Variants in PCNX1 observed in about 807,000 individuals in gnomAD.
PCNX1 encodes pecanex-like protein 1.
A neutral mutation model predicts 242.2 loss-of-function variants in PCNX1; 78 were observed. The ratio of observed to expected loss-of-function variants is 0.32; its 90% CI spans 0.27 to 0.39. PCNX1 has a LOEUF of 0.39. Ranked by LOEUF, PCNX1 falls within the 10% of genes least tolerant of loss-of-function variation. The probability of loss-of-function intolerance (pLI) is 1.00; values close to 1 mark genes in which losing one functional copy is unlikely to be tolerated. For missense variants in PCNX1, 2,581 were observed against 2,856.5 expected (o/e 0.90, Z 2.20); for synonymous variants, 1,024 against 1,032.9 (o/e 0.99, Z 0.17).
At chr14:71,099,590 T>C (rs1041915848) in intron 30 of PCNX1, among the ~76,000 whole-genome samples, 1 of 152,252 alleles carries the variant, frequency 6.6e-6, no homozygotes, top group African/African-American at 2.4e-5. Flanking sequence ...TAGGTGTCTA[T>C]TAGATCCAAT....
intron 33 of PCNX1, among the ~76,000 whole-genome samples, chr14:71,105,707 AT>A (rs1329785522): frequency 1.3e-5 from 2 of 150,048 alleles, no homozygotes; most frequent in South Asian, 2.1e-4. Context: ...ACGCCCGGCT[AT>A]TTTTTTGCAT....
In PCNX1 at chr14:70,923,072, T is replaced by G. The variant is rs896255326; in HGVS notation, c.153+15069T>G. ...TATGTTTCCTTAATCATGAATTCTT[T>G]GAGTATCTTTTCATATGCCTAGTAG... On this transcript the variant is annotated intron_variant, in intron 1 of 35. Transcript: ENST00000304743. 4.7e-5 allele frequency among the ~76,000 whole-genome samples: 7 copies of G among 150,306 alleles called. No individual in the cohort carries two copies. The South Asian group carries it at 1.5e-3, about 32-fold the overall frequency.
chr14:70,935,224 A>G (rs2056953331), intron 1 of PCNX1, among the ~76,000 whole-genome samples: 1 of 152,164 alleles, frequency 6.6e-6, no homozygotes, highest in African/African-American at 2.4e-5. Context: ...ATTTTGTTCA[A>G]AGTCTTTTCT....
intron 25 of PCNX1, among the ~76,000 whole-genome samples, chr14:71,057,256 T>C (rs982256499): frequency 5.9e-5 from 9 of 152,238 alleles, no homozygotes; most frequent in African/African-American, 2.2e-4. Context: ...CTTAGATTGC[T>C]TCAAATCAAA....
Position 70,978,471 on chromosome 14 carries a change from A to G in PCNX1, c.2134A>G (p.Ser712Gly). The G allele has an allele frequency of 1.2e-6, 2 of 1,614,214 alleles. No homozygotes were observed. Among genetic ancestry groups the G allele is most frequent in the Non-Finnish European group, 1.7e-6 (2 of 1,180,020 alleles). Reference sequence around the variant, plus strand: ...CTCAAACAGGTTAATGGCACCTGAAAGTATAAAGCCCTTAACCACTTCAAA... The same window carrying G: ...CTCAAACAGGTTAATGGCACCTGAAGGTATAAAGCCCTTAACCACTTCAAA... Reference protein sequence around the residue: ...NDSNRLMAPESIKPLTTSKSD... With the variant: ...NDSNRLMAPEGIKPLTTSKSD... The change falls in exon 6 of 36, where the codon AGT becomes GGT. Residue 712 changes from serine to glycine, a missense_variant. Ser to Gly is a moderately conservative substitution (Grantham distance 56, BLOSUM62 0). This residue lies in a region of PCNX1 where 1,204 missense variants were observed against 1,216.7 expected (regional missense o/e 0.99). Transcript: ENST00000304743.
intron 1 of PCNX1, among the ~76,000 whole-genome samples, chr14:70,915,944 A>G (rs1443244518): frequency 1.3e-5 from 2 of 152,184 alleles, no homozygotes; most frequent in Admixed American, 1.3e-4. Context: ...ATGAAGGGAT[A>G]AAGGATGAAG....
chr14:70,917,357 T>G (rs2056191425), intron 1 of PCNX1, among the ~76,000 whole-genome samples: 1 of 152,200 alleles, frequency 6.6e-6, no homozygotes, highest in Non-Finnish European at 1.5e-5. Flanking sequence ...CTGACAGCCT[T>G]ATGAAATGTA....
At position 71,034,533 on chromosome 14, in the gene PCNX1, G is replaced by A. The variant is rs116524107; in HGVS notation, c.3774+497G>A. Among the ~76,000 whole-genome samples, 723 of 152,194 alleles carry A rather than the reference G, an allele frequency of 4.8e-3. 7 individuals are homozygous for A. The highest frequency in any genetic ancestry group is 0.017 in the African/African-American group (690 of 41,550). On this transcript the variant is annotated intron_variant, in intron 18 of 35. Transcript: ENST00000304743. ...CCTGTATTAATGTACTTAAGTAAAC[G>A]CAGTAATTTTTTAAATTTTCTAATT... is the stretch of plus-strand genomic sequence containing the variant.
At chr14:71,046,571 GA>G (rs1301401969) in intron 20 of PCNX1, among the ~76,000 whole-genome samples, 1 of 151,980 alleles carries the variant, frequency 6.6e-6, no homozygotes, top group South Asian at 2.1e-4. Flanking sequence ...TGTAGCATTG[GA>G]AAAAAATATT....
Position 70,977,088 on chromosome 14 carries a change from G to A in PCNX1, c.751G>A (p.Val251Ile). Reference protein sequence around the residue: ...NLPSHNHHHHVDQSLSSACDT... With the variant: ...NLPSHNHHHHIDQSLSSACDT... ...GCCAAGTCATAACCACCACCACCAT[G>A]TTGATCAGTCTCTGTCCAGCGCCTG... Residue 251 changes from valine to isoleucine, a missense_variant, in exon 6 of 36, where the codon GTT becomes ATT. Around this residue, in one of 9 missense-constraint regions of PCNX1, gnomAD observed 1,204 missense variants for 1,216.7 expected, o/e 0.99. Coordinates refer to ENST00000304743, the MANE Select transcript of PCNX1 (RefSeq NM_014982.3). 2.5e-6 allele frequency: 4 copies of A among 1,614,096 alleles called. No individual in the cohort carries two copies. Among genetic ancestry groups the A allele is most frequent in the Non-Finnish European group, 2.5e-6 (3 of 1,180,016 alleles).
At chr14:70,953,037 A>G (rs567354458) in intron 2 of PCNX1, among the ~76,000 whole-genome samples, 1 of 152,230 alleles carries the variant, frequency 6.6e-6, no homozygotes, top group Non-Finnish European at 1.5e-5. Context: ...GGAGGGAGAG[A>G]TGGGAGGACA....
intron 1 of PCNX1, among the ~76,000 whole-genome samples, chr14:70,932,145 G>T (rs1034937034): frequency 3.9e-5 from 6 of 152,064 alleles, no homozygotes; most frequent in Non-Finnish European, 7.4e-5. Context: ...AAAACAAAAA[G>T]AATAATCGAA....
chr14:71,017,061 C>T (rs556201212), intron 11 of PCNX1, among the ~76,000 whole-genome samples: 1 of 152,126 alleles, frequency 6.6e-6, no homozygotes, highest in African/African-American at 2.4e-5. Context: ...TCACTACAGA[C>T]TCTCCAGGTA....
At chr14:70,949,140 A>G (rs890119468) in intron 2 of PCNX1, among the ~76,000 whole-genome samples, 2 of 110,912 alleles carry the variant, frequency 1.8e-5, no homozygotes, top group Non-Finnish European at 4.5e-5. Flanking sequence ...ACATATACAC[A>G]TATGTATATG....
intron 1 of PCNX1, among the ~76,000 whole-genome samples, chr14:70,928,540 C>T (rs909549418): frequency 6.6e-6 from 1 of 152,146 alleles, no homozygotes; most frequent in African/African-American, 2.4e-5. Context: ...GTGATTTATA[C>T]AGTAAAATAT....
chr14:71,069,087 G>A (rs2061527932), intron 26 of PCNX1, among the ~76,000 whole-genome samples: 1 of 152,106 alleles, frequency 6.6e-6, no homozygotes, highest in Admixed American at 6.6e-5. Context: ...ATGGCAGCAG[G>A]CAAGACAGAA....
intron 1 of PCNX1, among the ~76,000 whole-genome samples, chr14:70,919,046 A>G (rs542132070): frequency 3.3e-5 from 5 of 152,010 alleles, no homozygotes; most frequent in African/African-American, 1.2e-4. Flanking sequence ...ACAACTAGCT[A>G]CTTTTTAAAA....
At chr14:71,043,069 T>C (rs770524935) in intron 19 of PCNX1, among the ~76,000 whole-genome samples, 22 of 152,110 alleles carry the variant, frequency 1.4e-4, no homozygotes, top group Non-Finnish European at 2.9e-4. Context: ...CTTTTCTTGG[T>C]ATAGTATTTT....
At chr14:70,908,084 C>A in intron 1 of PCNX1, 81 bp downstream of exon 1, 1 of 1,350,310 alleles carries the variant, frequency 7.4e-7, no homozygotes, top group Middle Eastern at 2.7e-4. Context: ...TCTTCCTCTT[C>A]CACGGGGTCT....
Sources: gnomAD v4.1 joint callset for allele counts (sites outside exome capture counted in the v4.1 genomes callset) on GRCh38, gnomAD v4.1.1 for gene constraint, gnomAD v4.1.1 regional missense constraint, MANE v1.5 for transcripts, NCBI Gene and HGNC (gene_info 2026-07-23, HGNC 2026-07-21) for gene names.